Variants in TNKS observed in about 807,000 individuals in gnomAD.
The protein encoded by TNKS is poly [ADP-ribose] polymerase tankyrase-1.
TNKS carries 72 observed loss-of-function variants against 135.8 expected under a neutral mutation model. The ratio of observed to expected loss-of-function variants is 0.53; its 90% CI spans 0.44 to 0.64. TNKS has a LOEUF of 0.64. Among genes scored for constraint, TNKS ranks in the 30% least tolerant of loss-of-function variants. The pLI is 0.00. For synonymous variants in TNKS, 849 were observed against 649.3 expected (o/e 1.31, Z -4.68); for missense variants, 1,769 against 1,674.0 (o/e 1.06, Z -0.99).
intron 3 of TNKS, among the ~76,000 whole-genome samples, chr8:9,654,197 C>A (rs1300413897): frequency 1.3e-5 from 2 of 152,184 alleles, no homozygotes; most frequent in Non-Finnish European, 2.9e-5. Context: ...ATCACAAGAT[C>A]TCAATAGAGG....
At chr8:9,726,499 C>G (rs1326364801) in intron 12 of TNKS, 142 bp from the exon 13 acceptor site, 1 of 583,752 alleles carries the variant, frequency 1.7e-6, no homozygotes, top group Non-Finnish European at 2.9e-6. Context: ...TTTGCTACAA[C>G]ATTTAGTAAA....
chr8:9,679,147 G>T (rs571669965), intron 3 of TNKS, among the ~76,000 whole-genome samples: 1 of 152,162 alleles, frequency 6.6e-6, no homozygotes, highest in South Asian at 2.1e-4. Context: ...AATAGAATGG[G>T]GGAAAATTAC....
intron 11 of TNKS, among the ~76,000 whole-genome samples, chr8:9,713,747 A>G (rs1804448552): frequency 6.6e-6 from 1 of 152,210 alleles, no homozygotes; most frequent in Non-Finnish European, 1.5e-5. Flanking sequence ...CCCCATCCCA[A>G]GGCAGGATGC....
At chr8:9,556,993 T>C (rs34324628) in intron 1 of TNKS, 94,218 of 364,680 alleles carry the variant, frequency 0.26, 13,021 homozygotes, top group East Asian at 0.41. Flanking sequence ...GGGTATGTCC[T>C]TTGAGGACAG....
At chr8:9,687,465 A>G (rs956054277) in intron 5 of TNKS, among the ~76,000 whole-genome samples, 7 of 152,320 alleles carry the variant, frequency 4.6e-5, no homozygotes, top group African/African-American at 1.7e-4. Flanking sequence ...TTTTGTACCA[A>G]TGAGGACTTG....
At chr8:9,705,026 CT>C (rs1803983626) in intron 6 of TNKS, among the ~76,000 whole-genome samples, 1 of 152,094 alleles carries the variant, frequency 6.6e-6, no homozygotes, top group African/African-American at 2.4e-5. Flanking sequence ...GGTTTTTCAA[CT>C]CTTAAATTGC....
intron 1 of TNKS, among the ~76,000 whole-genome samples, chr8:9,566,688 A>G (rs1429041983): frequency 6.9e-6 from 1 of 144,742 alleles, no homozygotes; most frequent in Non-Finnish European, 1.5e-5. Context: ...GGCTCACTGC[A>G]AGCTCCGCCT....
chr8:9,657,726 C>A, intron 3 of TNKS, among the ~76,000 whole-genome samples: 1 of 112,934 alleles, frequency 8.9e-6, no homozygotes, highest in African/African-American at 3.4e-5. Context: ...GTAGGGGCGG[C>A]CGGGCAGAGG....
intron 5 of TNKS, among the ~76,000 whole-genome samples, chr8:9,686,218 T>C (rs948376141): frequency 4.6e-5 from 7 of 152,156 alleles, no homozygotes; most frequent in Admixed American, 4.6e-4. Flanking sequence ...CCAGCTGCCA[T>C]GTCATAAGGC....
chr8:9,555,921 G>C lies in TNKS; in HGVS notation c.-19G>C, dbSNP rs1256042424. The C allele has an allele frequency of 5.6e-6, 9 of 1,601,208 alleles. No individual in the cohort carries two copies. In the East Asian group the frequency reaches 1.8e-4, roughly 32 times the overall value. Reference sequence around the variant, plus strand: ...GGTGGGGGCCGTTGCCGCAGTGACAGTGCTAGGGGAGTCCGAAGATGGCGG... The same window carrying C: ...GGTGGGGGCCGTTGCCGCAGTGACACTGCTAGGGGAGTCCGAAGATGGCGG... On this transcript the variant is annotated 5_prime_UTR_variant, in exon 1 of 27. Transcript: ENST00000310430.
At chr8:9,637,392 T>G (rs539285887) in intron 3 of TNKS, among the ~76,000 whole-genome samples, 2 of 152,184 alleles carry the variant, frequency 1.3e-5, no homozygotes, top group Non-Finnish European at 2.9e-5. Flanking sequence ...TAATTCTAGT[T>G]ATATATATTT....
intron 12 of TNKS, among the ~76,000 whole-genome samples, chr8:9,723,439 AG>A (rs1430549282): frequency 6.6e-6 from 1 of 152,132 alleles, no homozygotes; most frequent in African/African-American, 2.4e-5. Flanking sequence ...GATCTACTTT[AG>A]AAACCTGCAC....
intron 5 of TNKS, among the ~76,000 whole-genome samples, chr8:9,682,622 T>C (rs1274064933): frequency 6.6e-6 from 1 of 152,124 alleles, no homozygotes; most frequent in Non-Finnish European, 1.5e-5. Context: ...CTACTAGCTC[T>C]TCTTGTATTT....
chr8:9,627,070 C>T (rs1219875501), intron 3 of TNKS, among the ~76,000 whole-genome samples: 2 of 151,998 alleles, frequency 1.3e-5, no homozygotes, highest in Non-Finnish European at 2.9e-5. Flanking sequence ...AGTTGATCAC[C>T]AGTGGCCAGT....
At chr8:9,613,616 G>A (rs1470754325) in intron 2 of TNKS, among the ~76,000 whole-genome samples, 1 of 152,172 alleles carries the variant, frequency 6.6e-6, no homozygotes, top group Non-Finnish European at 1.5e-5. Flanking sequence ...CTGTAGATGT[G>A]TCTGTGTTCA....
At chr8:9,599,565 A>G (rs1388675142) in intron 2 of TNKS, among the ~76,000 whole-genome samples, 1 of 152,202 alleles carries the variant, frequency 6.6e-6, no homozygotes. Context: ...TCCAGGTAGA[A>G]AGAGAGATAC....
chr8:9,717,103 T>TATATATATATTTATTTA (rs1554476739), intron 11 of TNKS, among the ~76,000 whole-genome samples: 1 of 39,332 alleles, frequency 2.5e-5, no homozygotes, highest in Non-Finnish European at 5.8e-5. Context: ...ATATATATAT[T>TATATATATATTTATTTA]TTCAGGGAAT....
At chr8:9,655,424 G>A (rs549903725) in intron 3 of TNKS, among the ~76,000 whole-genome samples, 3 of 152,308 alleles carry the variant, frequency 2.0e-5, no homozygotes, top group South Asian at 2.1e-4. Context: ...CTTGAGATCC[G>A]AGAACGGGCA....
intron 3 of TNKS, among the ~76,000 whole-genome samples, chr8:9,618,403 T>G (rs192656554): frequency 1.3e-5 from 2 of 152,324 alleles, no homozygotes; most frequent in Admixed American, 6.5e-5. Flanking sequence ...CACTTGGATA[T>G]TTAAATGAGA....
Sources: gnomAD v4.1 joint callset for allele counts (sites outside exome capture counted in the v4.1 genomes callset) on GRCh38, gnomAD v4.1.1 for gene constraint, MANE v1.5 for transcripts, NCBI Gene and HGNC (gene_info 2026-07-23, HGNC 2026-07-21) for gene names.